Variants in AFF1 observed in about 807,000 individuals in gnomAD.
AFF1 encodes AF4/FMR2 family member 1.
In AFF1, 48 loss-of-function variants were observed where a neutral mutation model predicts 121.7. That is an observed-to-expected ratio of 0.39 (90% CI 0.31 to 0.50). The LOEUF (loss-of-function observed/expected upper bound fraction) is 0.50, where lower values mean the gene tolerates loss of function less well. AFF1 is among the 20% of genes least tolerant of loss of function. The pLI is 0.76. For missense variants in AFF1, 1,523 were observed against 1,511.7 expected, an observed-to-expected ratio of 1.01 and a Z score of -0.12; for synonymous variants, 613 against 563.0, an observed-to-expected ratio of 1.09 and a Z score of -1.26.
chr4:86,943,106 T>G (rs1436934037), intron 1 of AFF1, among the ~76,000 whole-genome samples: 1 of 152,148 alleles, frequency 6.6e-6, no homozygotes, highest in African/African-American at 2.4e-5. Flanking sequence ...CACCTAATGA[T>G]CAGAGGGAGC....
At chr4:86,963,796 A>G (rs1228141147) in intron 2 of AFF1, among the ~76,000 whole-genome samples, 1 of 141,382 alleles carries the variant, frequency 7.1e-6, no homozygotes, top group Non-Finnish European at 1.6e-5. Flanking sequence ...TTTTCTTTTC[A>G]TTTCTTTTTT....
chr4:87,111,004 TTTTTTTTA>T (rs1182214708), intron 11 of AFF1, among the ~76,000 whole-genome samples: 468 of 26,158 alleles, frequency 0.018, 110 homozygotes, highest in African/African-American at 0.054. Context: ...CTTTATTTTT[TTTTTTTTA>T]TTTTTTTTTT....
At chr4:87,087,311 A>G (rs547574409) in intron 5 of AFF1, among the ~76,000 whole-genome samples, 1 of 152,376 alleles carries the variant, frequency 6.6e-6, no homozygotes, top group South Asian at 2.1e-4. Context: ...AGAGAAATAC[A>G]TAGTGTTGGG....
intron 2 of AFF1, among the ~76,000 whole-genome samples, chr4:86,969,696 C>T (rs1307272015): frequency 6.0e-5 from 9 of 150,660 alleles, no homozygotes; most frequent in Non-Finnish European, 8.9e-5. Context: ...CTGGCTAACA[C>T]GGTGAAACCC....
chr4:87,136,279 C>CT lies in AFF1; in HGVS notation c.*580dup, dbSNP rs1729294255. 4.3e-6 allele frequency: 1 copy of CT among 231,946 alleles called. No individual in the cohort carries two copies. The highest frequency in any genetic ancestry group is 8.5e-6 in the Non-Finnish European group (1 of 117,350). 14.4% of individuals were successfully genotyped at this position (231,946 alleles called of 1,614,324 possible). ...CCCACTTTCTGCCAATGAACAGTGGCTTGATAATACCAAGTATTGTTGTAA... is the reference window on the plus strand; with the variant it reads ...CCCACTTTCTGCCAATGAACAGTGGCTTTGATAATACCAAGTATTGTTGTAA... On this transcript the variant is annotated 3_prime_UTR_variant, in exon 21 of 21. Transcript: ENST00000395146.
chr4:86,972,664 A>G (rs1309302112), intron 2 of AFF1, among the ~76,000 whole-genome samples: 3 of 152,010 alleles, frequency 2.0e-5, no homozygotes, highest in Non-Finnish European at 4.4e-5. Flanking sequence ...CAGCCTCTCA[A>G]GTAGCCAGGA....
intron 5 of AFF1, 135 bp from the exon 6 acceptor site, chr4:87,089,849 A>G (rs74826244): frequency 1.6e-6 from 1 of 629,524 alleles, no homozygotes; most frequent in African/African-American, 1.8e-5. Flanking sequence ...GTTTTTTTTA[A>G]GTACATGAAA....
chr4:87,119,385 C>A (rs1174495045), intron 12 of AFF1, among the ~76,000 whole-genome samples: 1 of 151,784 alleles, frequency 6.6e-6, no homozygotes, highest in Non-Finnish European at 1.5e-5. Context: ...TCAAGACCAG[C>A]CTGGGCAACT....
chr4:87,122,881 TAAAAAA>T (rs3036188), intron 12 of AFF1, among the ~76,000 whole-genome samples: 15 of 96,640 alleles, frequency 1.6e-4, no homozygotes, highest in East Asian at 1.0e-3. Flanking sequence ...GGAAAATTAG[TAAAAAA>T]AAAAAAAAAA....
At chr4:87,131,537 T>G (rs1251351627) in intron 17 of AFF1, among the ~76,000 whole-genome samples, 2 of 152,206 alleles carry the variant, frequency 1.3e-5, no homozygotes, top group Admixed American at 1.3e-4. Context: ...TTACCTACAT[T>G]TCAACAGGGG....
chr4:86,984,301 C>T (rs1384102097), intron 2 of AFF1, among the ~76,000 whole-genome samples: 7 of 141,340 alleles, frequency 5.0e-5, no homozygotes, highest in African/African-American at 1.8e-4. Context: ...TCAAGTGACC[C>T]TTTTTTTTTT....
intron 2 of AFF1, among the ~76,000 whole-genome samples, chr4:86,984,985 T>C (rs964654083): frequency 1.3e-5 from 2 of 151,374 alleles, no homozygotes; most frequent in African/African-American, 4.9e-5. Flanking sequence ...GTAATGGTAT[T>C]GGTATTATTA....
At chr4:87,115,609 CTT>C (rs71660115) in intron 12 of AFF1, among the ~76,000 whole-genome samples, 6 of 40,654 alleles carry the variant, frequency 1.5e-4, no homozygotes, top group South Asian at 1.8e-3. Context: ...CAACCCACCT[CTT>C]TTTTTTTTTT....
At chr4:86,939,052 G>C (rs1181089481) in intron 1 of AFF1, among the ~76,000 whole-genome samples, 1 of 152,160 alleles carries the variant, frequency 6.6e-6, no homozygotes, top group African/African-American at 2.4e-5. Context: ...CTAATACCGC[G>C]TAAGTATTGA....
intron 4 of AFF1, among the ~76,000 whole-genome samples, chr4:87,051,754 C>T (rs1293316733): frequency 2.6e-5 from 4 of 152,058 alleles, no homozygotes; most frequent in African/African-American, 9.7e-5. Context: ...AGGTGTGAGC[C>T]ACTGTGCCCA....
At chr4:86,959,403 C>G (rs541125842) in intron 2 of AFF1, among the ~76,000 whole-genome samples, 6 of 151,348 alleles carry the variant, frequency 4.0e-5, no homozygotes, top group Non-Finnish European at 7.4e-5. Flanking sequence ...GTGTTGGGTC[C>G]CTTCCTCTTT....
rs1042314964 is a variant in AFF1 at position 86,964,358 on chromosome 4, G to T, written c.38+15787G>T. ...GCTCAATCTCCTGACCTCATGATCC[G>T]CCTGCCTTGGCCTCCCAAAGTGCTG... On this transcript the variant is annotated intron_variant, in intron 2 of 20. Transcript: ENST00000395146. 9.0e-5 allele frequency among the ~76,000 whole-genome samples: 13 copies of T among 145,054 alleles called. No homozygotes were observed. The Middle Eastern group carries it at 0.014, about 151-fold the overall frequency.
At chr4:87,066,823 TG>T (rs1721400218) in intron 4 of AFF1, among the ~76,000 whole-genome samples, 1 of 152,232 alleles carries the variant, frequency 6.6e-6, no homozygotes, top group Non-Finnish European at 1.5e-5. Context: ...GCCTCTGCCC[TG>T]GCTCCTTTCA....
At position 87,046,194 on chromosome 4, in the gene AFF1, C is replaced by T. The variant is rs753451653; in HGVS notation, c.67C>T (p.Arg23Ter). 5 of 1,613,482 alleles carry T rather than the reference C, an allele frequency of 3.1e-6. No homozygotes were observed. The highest frequency in any genetic ancestry group is 1.3e-5 in the African/African-American group (1 of 74,790). Reference protein sequence around the residue: ...SLYNDDRNLLRIREKERRNQE... With the variant: ...SLYNDDRNLL ...GTACAATGACGACAGAAACCTGCTT[C>T]GAATTAGAGAGAAGGAAAGACGCAA... Residue 23 changes from arginine to a stop codon, truncating the protein, a stop_gained, in exon 3 of 21, where the codon CGA (arginine) becomes TGA (stop). Transcript: ENST00000395146. LOFTEE classifies it high-confidence loss of function.
Sources: allele counts gnomAD v4.1 joint callset (sites outside exome capture counted in the v4.1 genomes callset), GRCh38; gene constraint gnomAD v4.1.1; transcripts MANE v1.5; gene names NCBI Gene and HGNC (gene_info 2026-07-23, HGNC 2026-07-21).